Variants in ATF6 observed in about 807,000 individuals in gnomAD.
ATF6 encodes activating transcription factor 6, also known as cyclic AMP-dependent transcription factor ATF-6 alpha.
Under a neutral mutation model 83.6 loss-of-function variants are expected in ATF6, and 53 were observed. The ratio of observed to expected loss-of-function variants is 0.63; its 90% CI spans 0.51 to 0.80. The LOEUF (loss-of-function observed/expected upper bound fraction) is 0.80. Ranked by LOEUF, ATF6 falls within the 30% of genes least tolerant of loss-of-function variation. The pLI, the probability that ATF6 is intolerant of heterozygous loss-of-function variation, is 0.00. For missense variants in ATF6, 744 were observed against 797.9 expected (o/e 0.93, Z 0.81); for synonymous variants, 288 against 285.8 (o/e 1.01, Z -0.08).
At chr1:161,865,620 C>G (rs777178014) in intron 14 of ATF6, among the ~76,000 whole-genome samples, 2 of 152,134 alleles carry the variant, frequency 1.3e-5, no homozygotes, top group African/African-American at 2.4e-5. Context: ...TCCCTAGTCC[C>G]TTGATGTTCA....
At chr1:161,908,027 C>T (rs978733834) in intron 14 of ATF6, among the ~76,000 whole-genome samples, 5 of 152,144 alleles carry the variant, frequency 3.3e-5, no homozygotes, top group African/African-American at 1.2e-4. Context: ...GCTCTCTTTT[C>T]ACACTATTAG....
intron 1 of ATF6, among the ~76,000 whole-genome samples, chr1:161,767,211 T>C (rs1684285051): frequency 6.6e-6 from 1 of 152,160 alleles, no homozygotes; most frequent in Non-Finnish European, 1.5e-5. Context: ...ATTGTGTAGG[T>C]TCCCAAATGG....
intron 15 of ATF6, among the ~76,000 whole-genome samples, chr1:161,912,824 C>A (rs1451651694): frequency 6.6e-6 from 1 of 152,032 alleles, no homozygotes; most frequent in African/African-American, 2.4e-5. Context: ...ATGAGTTTGA[C>A]ACTGATAGTA....
At chr1:161,783,353 C>T (rs780575989) in intron 3 of ATF6, among the ~76,000 whole-genome samples, 2 of 152,002 alleles carry the variant, frequency 1.3e-5, no homozygotes, top group East Asian at 1.9e-4. Flanking sequence ...TGGTAGATAT[C>T]GTATGGCTAA....
At chr1:161,946,570 C>T (rs1262630356) in intron 15 of ATF6, among the ~76,000 whole-genome samples, 1 of 152,210 alleles carries the variant, frequency 6.6e-6, no homozygotes, top group Non-Finnish European at 1.5e-5. Context: ...GGAATTTGGT[C>T]TCCAAGCTCT....
At chr1:161,786,880 A>G (rs922918254) in intron 4 of ATF6, among the ~76,000 whole-genome samples, 5 of 152,212 alleles carry the variant, frequency 3.3e-5, no homozygotes, top group African/African-American at 9.7e-5. Flanking sequence ...TTCAGAATCA[A>G]GCATTGCATG....
chr1:161,898,522 CTG>C (rs1687720237), intron 14 of ATF6, among the ~76,000 whole-genome samples: 1 of 151,362 alleles, frequency 6.6e-6, no homozygotes, highest in Non-Finnish European at 1.5e-5. Flanking sequence ...TCATTGTATT[CTG>C]TGTGTGTGTG....
intron 14 of ATF6, among the ~76,000 whole-genome samples, chr1:161,873,486 C>T (rs1373998247): frequency 6.6e-6 from 1 of 151,546 alleles, no homozygotes; most frequent in African/African-American, 2.4e-5. Flanking sequence ...TTCCTCCCCT[C>T]TCCTATATAG....
At chr1:161,939,353 A>C (rs1688600000) in intron 15 of ATF6, among the ~76,000 whole-genome samples, 1 of 152,208 alleles carries the variant, frequency 6.6e-6, no homozygotes, top group Non-Finnish European at 1.5e-5. Context: ...TCTAGGGTAC[A>C]TGTGCACAAC....
intron 10 of ATF6, among the ~76,000 whole-genome samples, chr1:161,848,830 C>G (rs1686543879): frequency 6.6e-6 from 1 of 152,074 alleles, no homozygotes; most frequent in South Asian, 2.1e-4. Flanking sequence ...TCTGACTGTT[C>G]CTGGGCTAAT....
At chr1:161,814,680 T>A (rs1685568108) in intron 7 of ATF6, among the ~76,000 whole-genome samples, 3 of 152,180 alleles carry the variant, frequency 2.0e-5, no homozygotes, top group African/African-American at 7.2e-5. Context: ...TTGACTGTCA[T>A]GAGATTGAGA....
At chr1:161,840,553 C>T (rs1192895201) in intron 9 of ATF6, 3 of 152,268 alleles carry the variant, frequency 2.0e-5, no homozygotes, top group African/African-American at 7.2e-5. Context: ...GGAGATATGC[C>T]ATTTTTTGTT....
intron 9 of ATF6, among the ~76,000 whole-genome samples, chr1:161,836,163 A>G (rs1388540906): frequency 6.6e-6 from 1 of 152,200 alleles, no homozygotes; most frequent in Non-Finnish European, 1.5e-5. Flanking sequence ...AAATGTTTCT[A>G]TTCCAGCATT....
intron 14 of ATF6, among the ~76,000 whole-genome samples, chr1:161,874,891 A>G (rs1687179860): frequency 6.6e-6 from 1 of 151,676 alleles, no homozygotes; most frequent in Non-Finnish European, 1.5e-5. Context: ...CTATCTATCC[A>G]TCTCCTTGTT....
intron 9 of ATF6, among the ~76,000 whole-genome samples, chr1:161,825,062 T>C (rs1685860075): frequency 6.6e-6 from 1 of 152,242 alleles, no homozygotes; most frequent in Non-Finnish European, 1.5e-5. Flanking sequence ...CTCAATTCTT[T>C]TTTAAATTTT....
intron 15 of ATF6, among the ~76,000 whole-genome samples, chr1:161,926,315 C>T (rs1688307964): frequency 6.6e-6 from 1 of 152,178 alleles, no homozygotes; most frequent in Non-Finnish European, 1.5e-5. Context: ...TTATCTCAGA[C>T]AGTTTCTGAG....
At chr1:161,853,607 A>T (rs1686694092) in intron 12 of ATF6, among the ~76,000 whole-genome samples, 1 of 152,212 alleles carries the variant, frequency 6.6e-6, no homozygotes, top group Non-Finnish European at 1.5e-5. Context: ...CTATGCATGG[A>T]TATCTATATC....
chr1:161,954,350 C>A (rs921399049), intron 15 of ATF6, among the ~76,000 whole-genome samples: 1 of 152,112 alleles, frequency 6.6e-6, no homozygotes, highest in Non-Finnish European at 1.5e-5. Context: ...CTTGTGTACC[C>A]CACACCCCAG....
rs953277957 is a variant in ATF6 at position 161,846,556 on chromosome 1, G to A, written c.1295G>A (p.Gly432Asp). 6.2e-7 allele frequency: 1 copy of A among 1,604,398 alleles called. No homozygotes were observed. The highest frequency in any genetic ancestry group is 1.1e-5 in the South Asian group (1 of 89,882). ...SAKEAQDTSD[G>D]IIQKNSYRYD... Reference sequence around the variant, plus strand: ...AAAGAGGCACAGGACACATCAGATGGTATTATCCAGAAAAACAGCTACAGG... The same window carrying A: ...AAAGAGGCACAGGACACATCAGATGATATTATCCAGAAAAACAGCTACAGG... The change falls in exon 10 of 16, where the codon GGT (glycine) becomes GAT (aspartate). Residue 432 changes from glycine (G) to aspartate (D), a missense_variant. Physicochemically the swap from Gly to Asp is moderately conservative, Grantham distance 94. Transcript: ENST00000367942.
Sources: allele counts gnomAD v4.1 joint callset (sites outside exome capture counted in the v4.1 genomes callset), GRCh38; gene constraint gnomAD v4.1.1; transcripts MANE v1.5; gene names NCBI Gene and HGNC (gene_info 2026-07-23, HGNC 2026-07-21).